CSMD1: variants seen among roughly 807,000 people sequenced by gnomAD.
The protein encoded by CSMD1 is CUB and Sushi multiple domains 1, also known as CUB and sushi domain-containing protein 1.
In CSMD1, 213 loss-of-function variants were observed where a neutral mutation model predicts 417.5. The ratio of observed to expected loss-of-function variants is 0.51; its 90% CI spans 0.46 to 0.57. The LOEUF (loss-of-function observed/expected upper bound fraction) is 0.57, where lower values mean the gene tolerates loss of function less well. Among genes scored for constraint, CSMD1 ranks in the 20% least tolerant of loss-of-function variants. The pLI is 0.00. For synonymous variants in CSMD1, 2,862 were observed against 1,736.8 expected (o/e 1.65, Z -16.11); for missense variants, 6,923 against 4,529.7 (o/e 1.53, Z -15.17).
chr8:4,138,949 A>C (rs975253226), intron 3 of CSMD1, among the ~76,000 whole-genome samples: 1 of 152,288 alleles, frequency 6.6e-6, no homozygotes, highest in African/African-American at 2.4e-5. Flanking sequence ...ATTAACAAAC[A>C]TTGTCGAACA....
chr8:4,377,635 A>C (rs1248441072), intron 3 of CSMD1, among the ~76,000 whole-genome samples: 1 of 152,178 alleles, frequency 6.6e-6, no homozygotes, highest in Admixed American at 6.6e-5. Context: ...AGGTTCAATG[A>C]AATCATTTAT....
intron 3 of CSMD1, among the ~76,000 whole-genome samples, chr8:4,105,319 A>G (rs1801511883): frequency 6.8e-6 from 1 of 146,338 alleles, no homozygotes; most frequent in Non-Finnish European, 1.5e-5. Flanking sequence ...AGTGATCTTA[A>G]TCTTGTAACA....
chr8:4,414,855 A>G (rs901109095), intron 3 of CSMD1, among the ~76,000 whole-genome samples: 1 of 152,196 alleles, frequency 6.6e-6, no homozygotes, highest in Admixed American at 6.5e-5. Flanking sequence ...AGTAATGGCC[A>G]GAGAGTAGGC....
chr8:3,709,128 T>C (rs1207666309), intron 6 of CSMD1, among the ~76,000 whole-genome samples: 1 of 148,876 alleles, frequency 6.7e-6, no homozygotes, highest in African/African-American at 2.5e-5. Flanking sequence ...TACTACGGCC[T>C]GCATTAAACA....
At chr8:3,439,095 C>A (rs1177291384) in intron 12 of CSMD1, among the ~76,000 whole-genome samples, 4 of 109,632 alleles carry the variant, frequency 3.6e-5, no homozygotes, top group Non-Finnish European at 6.7e-5. Flanking sequence ...TGCACTCCAG[C>A]CTGGGTGACA....
rs537605367 is a variant in CSMD1, at chr8:4,484,283, T to C, written c.303-64218A>G. Among the ~76,000 whole-genome samples, 9 of 152,282 alleles carry C rather than the reference T, an allele frequency of 5.9e-5. No homozygotes were observed. The South Asian group carries it at 6.2e-4, about 11-fold the overall frequency. Reference sequence around the variant, plus strand: ...TTCTTCTAGGAACAAGGTTTCATTTTGTTTTGTCCCTCTGTCCTGATCATT... The same window carrying C: ...TTCTTCTAGGAACAAGGTTTCATTTCGTTTTGTCCCTCTGTCCTGATCATT... On this transcript the variant is annotated intron_variant, in intron 2 of 69. Coordinates refer to ENST00000635120, the MANE Select transcript of CSMD1 (RefSeq NM_033225.6).
At chr8:3,692,917 T>G (rs1318381017) in intron 7 of CSMD1, among the ~76,000 whole-genome samples, 1 of 152,212 alleles carries the variant, frequency 6.6e-6, no homozygotes, top group African/African-American at 2.4e-5. Context: ...GCCATTCAAT[T>G]ATCAAAATAG....
intron 7 of CSMD1, among the ~76,000 whole-genome samples, chr8:3,621,826 C>T (rs985492370): frequency 6.6e-6 from 1 of 151,778 alleles, no homozygotes; most frequent in Non-Finnish European, 1.5e-5. Context: ...CCAGGCTGGT[C>T]TCAAACTCCT....
chr8:3,007,571 C>T (rs1484786223), intron 52 of CSMD1, among the ~76,000 whole-genome samples: 1 of 151,338 alleles, frequency 6.6e-6, no homozygotes, highest in African/African-American at 2.5e-5. Flanking sequence ...CACATATACA[C>T]CATGGAATAC....
chr8:4,412,461 G>A (rs894364325), intron 3 of CSMD1, among the ~76,000 whole-genome samples: 2 of 152,162 alleles, frequency 1.3e-5, no homozygotes, highest in African/African-American at 2.4e-5. Flanking sequence ...CAGAAGCCGG[G>A]CAGATGCCAG....
At chr8:4,030,555 G>A (rs139398664) in intron 4 of CSMD1, among the ~76,000 whole-genome samples, 1 of 152,126 alleles carries the variant, frequency 6.6e-6, no homozygotes, top group Non-Finnish European at 1.5e-5. Context: ...CCTTGGCCCG[G>A]CCCTCAAAAC....
chr8:3,490,621 T>C (rs1223413217), intron 11 of CSMD1, among the ~76,000 whole-genome samples: 1 of 152,168 alleles, frequency 6.6e-6, no homozygotes, highest in Non-Finnish European at 1.5e-5. Flanking sequence ...TTATACATAT[T>C]TTATAGCCAG....
chr8:3,150,512 A>T (rs1197337874), intron 40 of CSMD1, among the ~76,000 whole-genome samples: 2 of 152,232 alleles, frequency 1.3e-5, no homozygotes, highest in African/African-American at 4.8e-5. Context: ...CACAGATTCT[A>T]AAAGCAGAAG....
chr8:4,213,654 T>C (rs1800457500), intron 3 of CSMD1, among the ~76,000 whole-genome samples: 1 of 152,214 alleles, frequency 6.6e-6, no homozygotes, highest in Admixed American at 6.5e-5. Flanking sequence ...TGATTGTTGC[T>C]CAGCAACTGA....
At position 3,361,135 on chromosome 8, in the gene CSMD1, T is replaced by C. The variant is rs76099218; in HGVS notation, c.3116-1795A>G. 6.3e-3 allele frequency among the ~76,000 whole-genome samples: 966 copies of C among 152,288 alleles called. 15 individuals carry two copies. Among genetic ancestry groups the C allele is most frequent in the African/African-American group, 0.022 (919 of 41,558 alleles). On this transcript the variant is annotated intron_variant, in intron 20 of 69. Coordinates refer to ENST00000635120, the MANE Select transcript of CSMD1 (RefSeq NM_033225.6). ...ATAGTATGACTCAGAAAGAAAATAA[T>C]ATAGACAATGTCATTTAATTGAACT...
intron 2 of CSMD1, among the ~76,000 whole-genome samples, chr8:4,485,468 G>A (rs1328303228): frequency 6.6e-6 from 1 of 152,132 alleles, no homozygotes; most frequent in African/African-American, 2.4e-5. Flanking sequence ...TCAAATATGT[G>A]TCTGGGCTGG....
At chr8:3,599,190 G>C (rs113009904) in intron 8 of CSMD1, among the ~76,000 whole-genome samples, 1 of 149,114 alleles carries the variant, frequency 6.7e-6, no homozygotes, top group South Asian at 2.1e-4. Context: ...TGAGATGAGG[G>C]ATACTGTATA....
intron 1 of CSMD1, among the ~76,000 whole-genome samples, chr8:4,865,738 A>AT (rs1463030894): frequency 1.3e-5 from 2 of 151,934 alleles, no homozygotes; most frequent in Admixed American, 1.3e-4. Context: ...TTTACTTAAT[A>AT]TAAGAGAGAA....
intron 1 of CSMD1, among the ~76,000 whole-genome samples, chr8:4,767,138 G>C (rs967713946): frequency 6.6e-6 from 1 of 152,096 alleles, no homozygotes; most frequent in Non-Finnish European, 1.5e-5. Context: ...GCGATGCAGT[G>C]GGTTAATAAC....
Sources: gnomAD v4.1 joint callset for allele counts (sites outside exome capture counted in the v4.1 genomes callset) on GRCh38, gnomAD v4.1.1 for gene constraint, MANE v1.5 for transcripts, NCBI Gene and HGNC (gene_info 2026-07-23, HGNC 2026-07-21) for gene names.